Variants in COL27A1 observed in about 807,000 individuals in gnomAD.
COL27A1 encodes collagen alpha-1(XXVII) chain.
A neutral mutation model predicts 251.3 loss-of-function variants in COL27A1; 106 were observed. That is an observed-to-expected ratio of 0.42 (90% CI 0.36 to 0.50). The LOEUF is 0.50. COL27A1 is among the 20% of genes least tolerant of loss of function. The pLI is 0.00. For synonymous variants in COL27A1, 1,000 were observed against 986.3 expected (o/e 1.01, Z -0.26); for missense variants, 2,325 against 2,522.8 (o/e 0.92, Z 1.68).
chr9:114,166,921 G>A (rs566517546), intron 2 of COL27A1, among the ~76,000 whole-genome samples: 8 of 152,308 alleles, frequency 5.3e-5, no homozygotes, highest in African/African-American at 1.9e-4. Flanking sequence ...CCTCTCCCCA[G>A]AGTCCTGTGG....
intron 15 of COL27A1, among the ~76,000 whole-genome samples, chr9:114,231,347 C>T (rs1415505842): frequency 6.6e-6 from 1 of 152,180 alleles, no homozygotes; most frequent in Non-Finnish European, 1.5e-5. Context: ...GGCCAGACAT[C>T]CTCCTCTAGC....
At chr9:114,154,588 G>A (rs1246351204), upstream of COL27A1, among the ~76,000 whole-genome samples, 5 of 152,184 alleles carry the variant, frequency 3.3e-5, no homozygotes, top group Non-Finnish European at 7.3e-5. The surrounding 1 kb of genome is among the most constrained non-coding windows in gnomAD (Gnocchi z 5.8). Context: ...GATATGGCCA[G>A]GATAGCGTGC....
chr9:114,267,267 C>T (rs575259773), intron 33 of COL27A1, among the ~76,000 whole-genome samples: 21 of 152,252 alleles, frequency 1.4e-4, no homozygotes, highest in South Asian at 8.3e-4. Flanking sequence ...ACTTGTGGGG[C>T]GGGAGAAGGC....
chr9:114,176,453 C>A (rs11791604), intron 3 of COL27A1, among the ~76,000 whole-genome samples: 1 of 150,778 alleles, frequency 6.6e-6, no homozygotes, highest in Non-Finnish European at 1.5e-5. Context: ...CGGCTAGGTG[C>A]TATTATTAAC....
rs1453836190 is a variant in COL27A1, at chr9:114,312,050, C to G, written c.*1355C>G. The G allele has an allele frequency of 6.6e-6, 1 of 152,170 alleles. No homozygotes were observed. Among genetic ancestry groups the G allele is most frequent in the African/African-American group, 2.4e-5 (1 of 41,430 alleles). 9.4% of individuals were successfully genotyped at this position (152,170 alleles called of 1,614,324 possible). On this transcript the variant is annotated 3_prime_UTR_variant, in exon 61 of 61. Coordinates refer to ENST00000356083, the MANE Select transcript of COL27A1 (RefSeq NM_032888.4). ...CGACACCATAGTGACGTTCAGCGTC[C>G]TCTGAATTGTGCTACATCAGCGAAC...
At chr9:114,204,609 A>G (rs1327549472) in intron 7 of COL27A1, among the ~76,000 whole-genome samples, 1 of 152,134 alleles carries the variant, frequency 6.6e-6, no homozygotes, top group Non-Finnish European at 1.5e-5. Flanking sequence ...AAATGTGGTC[A>G]AGGCGTGTGA....
chr9:114,165,063 G>T (rs546801835), intron 2 of COL27A1, among the ~76,000 whole-genome samples: 1 of 152,180 alleles, frequency 6.6e-6, no homozygotes, highest in Non-Finnish European at 1.5e-5. Context: ...TCAATGTGGG[G>T]CTTGGGTGAA....
chr9:114,250,527 C>G, intron 24 of COL27A1, 88 bp from the exon 25 acceptor site: 1 of 1,267,934 alleles, frequency 7.9e-7, no homozygotes, highest in Non-Finnish European at 1.1e-6. Flanking sequence ...TGGGAGACAC[C>G]TGGGAGATGA....
chr9:114,206,351 G>C, intron 10 of COL27A1, 55 bp downstream of exon 10: 1 of 1,546,258 alleles, frequency 6.5e-7, no homozygotes, highest in Non-Finnish European at 8.9e-7. Context: ...AGCATCACCT[G>C]TCCCTCCAGT....
At chr9:114,276,071 G>C (rs1835486308) in intron 37 of COL27A1, among the ~76,000 whole-genome samples, 1 of 152,176 alleles carries the variant, frequency 6.6e-6, no homozygotes, top group Admixed American at 6.5e-5. Flanking sequence ...TCTTGGACAA[G>C]CTGTGGCCCT....
chr9:114,181,415 G>T (rs1315389552), intron 4 of COL27A1, among the ~76,000 whole-genome samples: 1 of 152,136 alleles, frequency 6.6e-6, no homozygotes, highest in African/African-American at 2.4e-5. Context: ...AGAGGAAGAG[G>T]GAGGTGCCTT....
intron 19 of COL27A1, among the ~76,000 whole-genome samples, chr9:114,239,129 G>T (rs564711958): frequency 3.9e-5 from 6 of 152,232 alleles, no homozygotes; most frequent in African/African-American, 1.4e-4. Flanking sequence ...TCAGCACCCT[G>T]CCTGCTTCTT....
At chr9:114,263,659 T>C (rs1018580868) in intron 28 of COL27A1, among the ~76,000 whole-genome samples, 1 of 152,028 alleles carries the variant, frequency 6.6e-6, no homozygotes, top group Non-Finnish European at 1.5e-5. Context: ...GCAGGGGGGA[T>C]GGGGGTGGAC....
chr9:114,209,008 G>A (rs1267247590), intron 10 of COL27A1, among the ~76,000 whole-genome samples: 1 of 152,142 alleles, frequency 6.6e-6, no homozygotes, highest in East Asian at 1.9e-4. Flanking sequence ...GGCCCTGGGT[G>A]ACCCTTGAAC....
intron 56 of COL27A1, among the ~76,000 whole-genome samples, chr9:114,303,668 GT>G (rs1356182172): frequency 6.6e-5 from 10 of 152,344 alleles, no homozygotes; most frequent in African/African-American, 2.4e-4. Flanking sequence ...AGATTATGCA[GT>G]TAGTAAGTGG....
chr9:114,288,637 A>G lies in COL27A1; in HGVS notation c.4045-65A>G, dbSNP rs1053884414. On this transcript the variant is annotated intron_variant, in intron 42 of 60. Coordinates refer to ENST00000356083, the MANE Select transcript of COL27A1 (RefSeq NM_032888.4). ...GAGCTCCGCAGAGGTCGCGGCCAAC[A>G]GGGCCCAGGGCTGGCATCCTTGGCA... 4.5e-6 allele frequency: 7 copies of G among 1,571,092 alleles called. No homozygotes were observed. In the Admixed American group the frequency reaches 1.2e-4, roughly 28 times the overall value.
chr9:114,213,064 T>G (rs1456452239), intron 12 of COL27A1, among the ~76,000 whole-genome samples: 1 of 152,136 alleles, frequency 6.6e-6, no homozygotes, highest in East Asian at 1.9e-4. Flanking sequence ...GAGAGGTAAA[T>G]GATTAGGTCA....
At chr9:114,291,260 G>A (rs1827895421) in intron 48 of COL27A1, among the ~76,000 whole-genome samples, 1 of 152,196 alleles carries the variant, frequency 6.6e-6, no homozygotes, top group Non-Finnish European at 1.5e-5. Flanking sequence ...CCAGTGCCGC[G>A]TGGGAGGAGG....
At chr9:114,200,232 C>T (rs1829471934) in intron 7 of COL27A1, among the ~76,000 whole-genome samples, 1 of 152,222 alleles carries the variant, frequency 6.6e-6, no homozygotes, top group African/African-American at 2.4e-5. Flanking sequence ...CCTGCTTCTG[C>T]AGCCCATACC....
Sources: gnomAD v4.1 joint callset for allele counts (sites outside exome capture counted in the v4.1 genomes callset) on GRCh38, gnomAD v4.1.1 for gene constraint, Gnocchi (gnomAD v3.1) non-coding constraint, MANE v1.5 for transcripts, NCBI Gene and HGNC (gene_info 2026-07-23, HGNC 2026-07-21) for gene names.